Variants in SMARCA2 observed in about 807,000 individuals in gnomAD.
SMARCA2 encodes SWI/SNF related BAF chromatin remodeling complex subunit ATPase 2, also known as SWI/SNF-related matrix-associated actin-dependent regulator of chromatin subfamily A member 2.
SMARCA2 carries 61 observed loss-of-function variants against 199.8 expected under a neutral mutation model. The ratio of observed to expected loss-of-function variants is 0.31; its 90% CI spans 0.25 to 0.38. The LOEUF (loss-of-function observed/expected upper bound fraction) is 0.38, where lower values mean the gene tolerates loss of function less well. Ranked by LOEUF, SMARCA2 falls within the 10% of genes least tolerant of loss-of-function variation. SMARCA2 has a pLI of 1.00. For synonymous variants in SMARCA2, 935 were observed against 732.0 expected (o/e 1.28, Z -4.48); for missense variants, 1,344 against 2,012.2 (o/e 0.67, Z 6.35).
rs141877578 is a variant in SMARCA2 at position 2,112,824 on chromosome 9, T to G, written c.3456+2407T>G. 1.6e-3 allele frequency among the ~76,000 whole-genome samples: 245 copies of G among 152,344 alleles called. 3 individuals carry two copies. The highest frequency in any genetic ancestry group is 5.5e-3 in the African/African-American group (228 of 41,586). On this transcript the variant is annotated intron_variant, in intron 24 of 33. Transcript: ENST00000349721. ...ATAGTGATAAAGATCCATCTGAGTT[T>G]TCATTTAAAAGGTACAGAACTCTAC... is the stretch of plus-strand genomic sequence containing the variant.
At chr9:2,138,885 A>G (rs1824332646) in intron 27 of SMARCA2, among the ~76,000 whole-genome samples, 1 of 152,062 alleles carries the variant, frequency 6.6e-6, no homozygotes, top group Non-Finnish European at 1.5e-5. Context: ...TAGGAACTGA[A>G]ACTCAGAGGG....
intron 27 of SMARCA2, chr9:2,158,122 T>A (rs1156306240): frequency 2.1e-5 from 5 of 241,572 alleles, no homozygotes; most frequent in Non-Finnish European, 2.9e-5. Flanking sequence ...CATTTTCTTT[T>A]AAGCAAAATT....
Position 2,093,041 on chromosome 9 carries a change from C to T in SMARCA2, c.2884-3616C>T, listed in dbSNP as rs114858959. 5.8e-3 allele frequency among the ~76,000 whole-genome samples: 890 copies of T among 152,294 alleles called. 8 individuals are homozygous for T. Among genetic ancestry groups the T allele is most frequent in the African/African-American group, 0.02 (843 of 41,564 alleles). ...GATACAAACCTGTTGATTGCCTGCT[C>T]TGTACGTTATACTGCACTCAGGCCA... On this transcript the variant is annotated intron_variant, in intron 19 of 33. Transcript: ENST00000349721.
intron 27 of SMARCA2, among the ~76,000 whole-genome samples, chr9:2,137,687 C>T (rs780962586): frequency 1.3e-5 from 2 of 152,194 alleles, no homozygotes; most frequent in South Asian, 2.1e-4. Context: ...TATAAAGCTC[C>T]GAGAAAGCCA....
At chr9:2,064,758 T>C (rs543038802) in intron 9 of SMARCA2, among the ~76,000 whole-genome samples, 4 of 152,186 alleles carry the variant, frequency 2.6e-5, no homozygotes, top group Non-Finnish European at 5.9e-5. Flanking sequence ...AAGAGAATTT[T>C]CTAATTACAT....
At chr9:2,061,523 A>G (rs949638056) in intron 9 of SMARCA2, among the ~76,000 whole-genome samples, 1 of 152,198 alleles carries the variant, frequency 6.6e-6, no homozygotes, top group African/African-American at 2.4e-5. Context: ...AAAGAGTCCT[A>G]TGTGAAATAT....
At position 2,054,688 on chromosome 9, in the gene SMARCA2, C is replaced by G; in HGVS notation, c.1138C>G (p.Leu380Val). Reference sequence around the variant, plus strand: ...TTTAAGAACCAAAGCAACCGTGGAACTAAAAGCACTTCGGTTACTCAATTT... The same window carrying G: ...TTTAAGAACCAAAGCAACCGTGGAAGTAAAAGCACTTCGGTTACTCAATTT... ...PDLRTKATVELKALRLLNFQR... is the reference protein window; with the variant it reads ...PDLRTKATVEVKALRLLNFQR... The change falls in exon 6 of 34, where the codon CTA (leucine) becomes GTA (valine). Residue 380 changes from leucine (L) to valine (V), a missense_variant. This residue lies in a region of SMARCA2 where 155 missense variants were observed against 260.0 expected (regional missense o/e 0.60). Coordinates refer to ENST00000349721, the MANE Select transcript of SMARCA2 (RefSeq NM_003070.5). The G allele has an allele frequency of 1.2e-6, 2 of 1,614,082 alleles. No homozygotes were observed. The highest frequency in any genetic ancestry group is 1.7e-6 in the Non-Finnish European group (2 of 1,179,970).
intron 5 of SMARCA2, among the ~76,000 whole-genome samples, chr9:2,052,404 A>G (rs1417945933): frequency 6.6e-6 from 1 of 151,936 alleles, no homozygotes; most frequent in Non-Finnish European, 1.5e-5. Flanking sequence ...TGAACCTGGG[A>G]GGCGGAGGTT....
chr9:2,182,318 T>A, intron 31 of SMARCA2, 76 bp downstream of exon 31: 1 of 856,984 alleles, frequency 1.2e-6, no homozygotes, highest in Non-Finnish European at 1.9e-6. Flanking sequence ...AATATTTCAT[T>A]TTCTACCTCT....
At chr9:2,141,981 C>A (rs1019400712) in intron 27 of SMARCA2, among the ~76,000 whole-genome samples, 1 of 152,094 alleles carries the variant, frequency 6.6e-6, no homozygotes, top group African/African-American at 2.4e-5. Context: ...GGTGATGAGA[C>A]CTGCCCGTGA....
chr9:2,118,037 AG>A (rs1318631184), intron 25 of SMARCA2, among the ~76,000 whole-genome samples: 3 of 152,192 alleles, frequency 2.0e-5, no homozygotes, highest in African/African-American at 7.2e-5. Context: ...TTTTCCATGA[AG>A]GTCATAAACA....
Position 2,016,727 on chromosome 9 carries a change from A to G in SMARCA2, c.-37+1323A>G, listed in dbSNP as rs966126632. Reference sequence around the variant, plus strand: ...GAGACCGGGTAGGAGCCTCCTCCCAACGATGACACGCACTCCTTCCTTCTC... The same window carrying G: ...GAGACCGGGTAGGAGCCTCCTCCCAGCGATGACACGCACTCCTTCCTTCTC... On this transcript the variant is annotated intron_variant, in intron 1 of 33. Transcript: ENST00000349721. The surrounding 1 kb of genome is among the most constrained non-coding windows in gnomAD (Gnocchi z 5.6). 6.6e-6 allele frequency among the ~76,000 whole-genome samples: 1 copy of G among 152,044 alleles called. No homozygotes were observed. Among genetic ancestry groups the G allele is most frequent in the African/African-American group, 2.4e-5 (1 of 41,408 alleles).
At chr9:2,040,678 G>T (rs1219743117) in intron 4 of SMARCA2, 7 of 152,234 alleles carry the variant, frequency 4.6e-5, no homozygotes, top group African/African-American at 1.7e-4. Context: ...CTGCATGACA[G>T]AAACATCAAT....
intron 29 of SMARCA2, among the ~76,000 whole-genome samples, chr9:2,175,307 G>GCCCCCCC (rs377170967): frequency 7.6e-6 from 1 of 130,890 alleles, no homozygotes; most frequent in African/African-American, 2.9e-5. Flanking sequence ...GCTTGTCCCC[G>GCCCCCCC]CCCCCCCCCA....
intron 20 of SMARCA2, among the ~76,000 whole-genome samples, 180 bp downstream of exon 20, chr9:2,096,944 C>A (rs1421913169): frequency 6.6e-6 from 1 of 152,104 alleles, no homozygotes; most frequent in Non-Finnish European, 1.5e-5. Context: ...TGCATTGGGG[C>A]AGGAAGAAAG....
chr9:2,048,350 A>T (rs1432213853), intron 5 of SMARCA2, among the ~76,000 whole-genome samples: 6 of 152,212 alleles, frequency 3.9e-5, no homozygotes, highest in Non-Finnish European at 8.8e-5. Flanking sequence ...TGGCGAAGTT[A>T]TGTCTCTTTT....
chr9:2,143,995 C>T (rs1824592642), intron 27 of SMARCA2, among the ~76,000 whole-genome samples: 1 of 151,908 alleles, frequency 6.6e-6, no homozygotes, highest in African/African-American at 2.4e-5. Context: ...ACGGGGAACT[C>T]ACAGGAGGAT....
chr9:2,073,542 C>T lies in SMARCA2; in HGVS notation c.1878-24C>T, dbSNP rs1423113966. ...GTAATTTAAAAAACTAAGCCCCCTCCTCTTCCTCACTCTTTTTCCTTAGTT... is the reference window on the plus strand; with the variant it reads ...GTAATTTAAAAAACTAAGCCCCCTCTTCTTCCTCACTCTTTTTCCTTAGTT... On this transcript the variant is annotated intron_variant, in intron 11 of 33. Coordinates refer to ENST00000349721, the MANE Select transcript of SMARCA2 (RefSeq NM_003070.5). The T allele has an allele frequency of 8.1e-6, 13 of 1,598,590 alleles. No individual in the cohort carries two copies. In the Admixed American group the frequency reaches 2.0e-4, roughly 25 times the overall value.
chr9:2,192,445 C>T, intron 33 of SMARCA2: 1 of 472,778 alleles, frequency 2.1e-6, no homozygotes, highest in Non-Finnish European at 3.8e-6. Context: ...AGCCATAAAC[C>T]TTTCAAGCCA....
Sources: gnomAD v4.1 joint callset for allele counts (sites outside exome capture counted in the v4.1 genomes callset) on GRCh38, gnomAD v4.1.1 for gene constraint, gnomAD v4.1.1 regional missense constraint, Gnocchi (gnomAD v3.1) non-coding constraint, MANE v1.5 for transcripts, NCBI Gene and HGNC (gene_info 2026-07-23, HGNC 2026-07-21) for gene names.